Variants in ABCA9 observed in about 807,000 individuals in gnomAD.
ABCA9 encodes ATP binding cassette subfamily A member 9, also known as ATP-binding cassette sub-family A member 9.
ABCA9 carries 183 observed loss-of-function variants against 205.3 expected under a neutral mutation model. The ratio of observed to expected loss-of-function variants is 0.89; its 90% CI spans 0.79 to 1.01. ABCA9 has a LOEUF of 1.01. Ranked by LOEUF, ABCA9 falls within the 50% of genes least tolerant of loss-of-function variation. The pLI, the probability that ABCA9 is intolerant of heterozygous loss-of-function variation, is 0.00. For synonymous variants in ABCA9, 651 were observed against 683.3 expected (o/e 0.95, Z 0.74); for missense variants, 1,805 against 1,912.4 (o/e 0.94, Z 1.05).
chr17:69,029,090 T>C, intron 11 of ABCA9, 79 bp downstream of exon 11: 1 of 802,442 alleles, frequency 1.2e-6, no homozygotes. Flanking sequence ...TATCTGTGCT[T>C]AATCCCTACC....
At chr17:69,051,216 AAACATTGT>A in intron 1 of ABCA9, 77 bp from the exon 2 acceptor site, 1 of 1,341,560 alleles carries the variant, frequency 7.5e-7, no homozygotes, top group Non-Finnish European at 1.0e-6. Flanking sequence ...AACATAAAAG[AAACATTGT>A]AACAGCTGTT....
At chr17:69,074,408 C>T in the ABCA9 span, among the ~76,000 whole-genome samples, 6 of 152,264 alleles carry the variant, frequency 3.9e-5, no homozygotes, top group East Asian at 9.7e-4. Context: ...CTCCCTCCCT[C>T]GTCTGTTAGT....
Position 68,989,091 on chromosome 17 carries a change from T to G in ABCA9, c.3983A>C (p.Asn1328Thr). Residue 1328 changes from asparagine to threonine, a missense_variant, in exon 31 of 39, where the codon AAT becomes ACT. By Grantham distance (65) the Asn-to-Thr change is moderately conservative (BLOSUM62 0). Transcript: ENST00000340001. ...KGEVIGLLGH[N>T]GAGKSTTIKM... is the part of the protein sequence containing the mutation. ...AATAGTTGTACTTTTACCAGCTCCA[T>G]TGTGTCCTAACAGTCCTATAACTTC... is the stretch of plus-strand genomic sequence containing the variant. 6.2e-7 allele frequency: 1 copy of G among 1,613,172 alleles called. No homozygotes were observed. The highest frequency in any genetic ancestry group is 8.5e-7 in the Non-Finnish European group (1 of 1,179,192).
chr17:69,007,046 G>A (rs181785221), intron 25 of ABCA9, among the ~76,000 whole-genome samples: 170 of 152,244 alleles, frequency 1.1e-3, no homozygotes, highest in African/African-American at 3.7e-3. Context: ...AAAATGGGGC[G>A]TGATCAAGGA....
chr17:69,067,638 AAG>A, the ABCA9 span, among the ~76,000 whole-genome samples: 12 of 151,924 alleles, frequency 7.9e-5, no homozygotes, highest in African/African-American at 2.4e-4. Flanking sequence ...GAAAGAAACA[AAG>A]AGAAAGAAAA....
chr17:69,033,681 G>A, intron 9 of ABCA9, 45 bp downstream of exon 9: 4 of 1,511,004 alleles, frequency 2.6e-6, no homozygotes, highest in African/African-American at 1.4e-5. Context: ...TTAAAGACAT[G>A]CAATTATTGA....
At chr17:69,008,492 A>G (rs1459556900) in intron 23 of ABCA9, among the ~76,000 whole-genome samples, 5 of 152,222 alleles carry the variant, frequency 3.3e-5, no homozygotes, top group African/African-American at 1.2e-4. Flanking sequence ...ATGATTGGGC[A>G]TGGCCTCAGT....
In ABCA9 at chr17:69,027,812, G is replaced by A; in HGVS notation, c.1619C>T (p.Ser540Leu). The change falls in exon 13 of 39, where the codon TCA becomes TTA. Residue 540 changes from serine (S) to leucine (L), a missense_variant. Physicochemically the swap from Ser to Leu is moderately radical, Grantham distance 145. Coordinates refer to ENST00000340001, the MANE Select transcript of ABCA9 (RefSeq NM_080283.4). ...AAGTGTGTGATTATAGACAGTGACT[G>A]AACCTGAAAGCAGAAGGCAGAGAGT... is the stretch of plus-strand genomic sequence containing the variant. ...LSGLSVPTSG[S>L]VTVYNHTLSR... 1.2e-6 allele frequency: 2 copies of A among 1,601,208 alleles called. No individual in the cohort carries two copies. Among genetic ancestry groups the A allele is most frequent in the Non-Finnish European group, 1.7e-6 (2 of 1,174,046 alleles).
intron 20 of ABCA9, chr17:69,018,082 A>G: frequency 2.7e-6 from 1 of 373,114 alleles, no homozygotes; most frequent in South Asian, 6.4e-5. Context: ...TATCTTTTTA[A>G]ATTTGAAACA....
At chr17:69,038,630 A>G (rs2098105) in intron 6 of ABCA9, among the ~76,000 whole-genome samples, 132,169 of 152,136 alleles carry the variant, frequency 0.87, 58,417 homozygotes, top group East Asian at 1. Flanking sequence ...GGGCAAAAGC[A>G]GAAACATTCT....
At chr17:68,992,064 T>C (rs905106198) in intron 28 of ABCA9, 111 bp downstream of exon 28, 1 of 707,492 alleles carries the variant, frequency 1.4e-6, no homozygotes, top group Middle Eastern at 3.8e-4. Flanking sequence ...TATCACAGTC[T>C]TTAAAAACCA....
At chr17:68,995,617 CTT>C (rs2069591043) in intron 26 of ABCA9, among the ~76,000 whole-genome samples, 1 of 152,174 alleles carries the variant, frequency 6.6e-6, no homozygotes, top group African/African-American at 2.4e-5. Context: ...AGGGGCATCT[CTT>C]TGGCCTCCCA....
the ABCA9 span, among the ~76,000 whole-genome samples, chr17:69,074,523 T>A: frequency 6.6e-6 from 1 of 152,220 alleles, no homozygotes; most frequent in African/African-American, 2.4e-5. Context: ...CCTGCATTAC[T>A]ACGATTAGAA....
chr17:69,029,085 G>A, intron 11 of ABCA9, 84 bp downstream of exon 11: 1 of 724,196 alleles, frequency 1.4e-6, no homozygotes, highest in Middle Eastern at 2.6e-4. Flanking sequence ...TGGAATATCT[G>A]TGCTTAATCC....
At chr17:69,027,889 A>G (rs1315040006) in intron 12 of ABCA9, 74 bp from the exon 13 acceptor site, 1 of 1,162,580 alleles carries the variant, frequency 8.6e-7, no homozygotes, top group Admixed American at 2.3e-5. Context: ...AAAATGGAAA[A>G]CACTGTATGT....
rs1227539902 is a variant in ABCA9, at chr17:68,975,758, G to A, written c.*157C>T. 6.2e-6 allele frequency: 4 copies of A among 643,140 alleles called. No homozygotes were observed. Among genetic ancestry groups the A allele is most frequent in the Non-Finnish European group, 1.1e-5 (4 of 372,598 alleles). The allele number at this position is 643,140 out of a possible 1,614,324, so 39.8% of individuals were successfully genotyped here. On this transcript the variant is annotated 3_prime_UTR_variant, in exon 39 of 39. Transcript: ENST00000340001. ...CCCTATGATCGCCCTCACTGACATC[G>A]CCTGTTGTCTCACTGTAAGAAATAC...
intron 23 of ABCA9, among the ~76,000 whole-genome samples, chr17:69,011,368 GT>G (rs1038599859): frequency 6.6e-6 from 1 of 152,138 alleles, no homozygotes; most frequent in African/African-American, 2.4e-5. Flanking sequence ...ATAGTATTTT[GT>G]GTTTCTTATG....
intron 10 of ABCA9, among the ~76,000 whole-genome samples, chr17:69,031,242 AC>A (rs747650519): frequency 2.0e-5 from 3 of 152,132 alleles, no homozygotes; most frequent in Non-Finnish European, 2.9e-5. Flanking sequence ...CTCTGATAGG[AC>A]CTAATTCTGT....
At chr17:69,042,605 G>A (rs920737844) in intron 6 of ABCA9, 5 of 152,128 alleles carry the variant, frequency 3.3e-5, no homozygotes, top group Admixed American at 3.3e-4. Flanking sequence ...CTGAATATTG[G>A]AAACCTCACG....
Sources: gnomAD v4.1 joint callset for allele counts (sites outside exome capture counted in the v4.1 genomes callset) on GRCh38, gnomAD v4.1.1 for gene constraint, MANE v1.5 for transcripts, NCBI Gene and HGNC (gene_info 2026-07-23, HGNC 2026-07-21) for gene names.